The following LACC1 variants were observed in gnomAD, a reference collection of about 807,000 sequenced individuals.
The protein encoded by LACC1 is laccase domain multifunctional purine nucleosidase 1.
LACC1 carries 25 observed loss-of-function variants against 34.8 expected under a neutral mutation model. The observed-to-expected ratio is 0.72, with a 90% confidence interval of 0.52 to 1.00. LACC1 has a LOEUF of 1.00. LACC1 is among the 50% of genes least tolerant of loss of function. The pLI, the probability that LACC1 is intolerant of heterozygous loss-of-function variation, is 0.00. For missense variants in LACC1, 426 were observed against 511.2 expected, an observed-to-expected ratio of 0.83 and a Z score of 1.61; for synonymous variants, 162 against 168.0, an observed-to-expected ratio of 0.96 and a Z score of 0.28.
At chr13:43,886,678 G>A (rs1466344962) in intron 4 of LACC1, among the ~76,000 whole-genome samples, 1 of 152,098 alleles carries the variant, frequency 6.6e-6, no homozygotes, top group Non-Finnish European at 1.5e-5. Flanking sequence ...TGATGAAATC[G>A]TTTGTACACG....
chr13:43,884,294 C>T (rs1327847539), intron 4 of LACC1, among the ~76,000 whole-genome samples: 1 of 152,116 alleles, frequency 6.6e-6, no homozygotes, highest in African/African-American at 2.4e-5. Flanking sequence ...ATGACAGTAG[C>T]ACCTCTAGTT....
At chr13:43,885,359 C>T (rs1230081223) in intron 4 of LACC1, among the ~76,000 whole-genome samples, 1 of 152,122 alleles carries the variant, frequency 6.6e-6, no homozygotes, top group Non-Finnish European at 1.5e-5. Context: ...TCAAGCTGTA[C>T]TCCAAAGTTA....
At chr13:43,885,485 C>T (rs867968258) in intron 4 of LACC1, among the ~76,000 whole-genome samples, 7 of 151,906 alleles carry the variant, frequency 4.6e-5, no homozygotes, top group Admixed American at 3.3e-4. Flanking sequence ...TTGACAAAGT[C>T]GACAATAACA....
At position 43,883,889 on chromosome 13, in the gene LACC1, T is replaced by C. The variant is rs1289760078; in HGVS notation, c.860T>C (p.Ile287Thr). 1.2e-6 allele frequency: 2 copies of C among 1,613,450 alleles called. No homozygotes were observed. The highest frequency in any genetic ancestry group is 1.1e-5 in the South Asian group (1 of 90,992). Reference sequence around the variant, plus strand: ...GCTCTTGGTGCAGACTGTATACCGATAGTTTTTGCAGATCCAGTCAAAAAA... The same window carrying C: ...GCTCTTGGTGCAGACTGTATACCGACAGTTTTTGCAGATCCAGTCAAAAAA... ...IAALGADCIP[I>T]VFADPVKKAC... The change falls in exon 4 of 7, where the codon ATA becomes ACA. Residue 287 changes from isoleucine to threonine, a missense_variant. Ile to Thr is a moderately conservative substitution (Grantham distance 89). This residue lies in a region of LACC1 where 209 missense variants were observed against 300.3 expected (regional missense o/e 0.70). Transcript: ENST00000325686.
intron 1 of LACC1, among the ~76,000 whole-genome samples, chr13:43,880,547 C>A (rs111514251): frequency 6.6e-6 from 1 of 152,218 alleles, no homozygotes; most frequent in African/African-American, 2.4e-5. Flanking sequence ...GCTTCGTAAA[C>A]TTAAGCCCCC....
rs761520538 is a variant in LACC1 at position 43,890,136 on chromosome 13, A to G, written c.1156A>G (p.Ile386Val). The G allele has an allele frequency of 1.9e-6, 3 of 1,612,554 alleles. No individual in the cohort carries two copies. The highest frequency in any genetic ancestry group is 2.5e-6 in the Non-Finnish European group (3 of 1,179,430). Residue 386 changes from isoleucine (I) to valine (V), a missense_variant, in exon 6 of 7, where the codon ATT becomes GTT. Physicochemically the swap from Ile to Val is conservative, Grantham distance 29. This residue lies in a region of LACC1 where 209 missense variants were observed against 300.3 expected (regional missense o/e 0.70). Transcript: ENST00000325686. ...AAGGATTCTTCTAGAACAGGGAGGA[A>G]TTCTTCCACAGAATATTCAGGACCA... ...ATRILLEQGGILPQNIQDQNQ... is the reference protein window; with the variant it reads ...ATRILLEQGGVLPQNIQDQNQ...
Position 43,882,352 on chromosome 13 carries a change from T to C in LACC1, c.730T>C (p.Tyr244His). The C allele has an allele frequency of 6.2e-7, 1 of 1,606,984 alleles. No individual in the cohort carries two copies. Among genetic ancestry groups the C allele is most frequent in the Non-Finnish European group, 8.5e-7 (1 of 1,178,046 alleles). The change falls in exon 3 of 7, where the codon TAC becomes CAC. Residue 244 changes from tyrosine (Y) to histidine (H), a missense_variant. Transcript: ENST00000325686. ...TGCAGGATTTAATGTGGAGAAATTT[T>C]ACCGAATAAAGGTAAAATTTTGCTT... ...NAAGFNVEKF[Y>H]RIKTHHSNDI... is the part of the protein sequence containing the mutation.
chr13:43,891,319 A>AT, intron 6 of LACC1, 130 bp from the exon 7 acceptor site: 1 of 264,594 alleles, frequency 3.8e-6, no homozygotes, highest in Non-Finnish European at 5.8e-6. Flanking sequence ...AATTAATATT[A>AT]TTTTTTACTC....
Position 43,883,774 on chromosome 13 carries a change from C to T in LACC1, c.745C>T (p.His249Tyr). The change falls in exon 4 of 7, where the codon CAT becomes TAT. Residue 249 changes from histidine (H) to tyrosine (Y), a missense_variant. Physicochemically the swap from His to Tyr is moderately conservative, Grantham distance 83 (BLOSUM62 2). This residue lies in a region of LACC1 where 209 missense variants were observed against 300.3 expected (regional missense o/e 0.70). Transcript: ENST00000325686. ...NVEKFYRIKT[H>Y]HSNDIWIMGR... ...TGTTGCACATTTTTGGTATTAGACTCATCATTCCAATGACATCTGGATTAT... is the reference window on the plus strand; with the variant it reads ...TGTTGCACATTTTTGGTATTAGACTTATCATTCCAATGACATCTGGATTAT... 1 of 1,608,408 alleles carries T rather than the reference C, an allele frequency of 6.2e-7. No homozygotes were observed. The highest frequency in any genetic ancestry group is 8.5e-7 in the Non-Finnish European group (1 of 1,176,924).
rs868530970 is a variant in LACC1, at chr13:43,888,792, A to G, written c.943A>G (p.Thr315Ala). Residue 315 changes from threonine (T) to alanine (A), a missense_variant, in exon 5 of 7, where the codon ACA (threonine) becomes GCA (alanine). Thr to Ala is a moderately conservative substitution (Grantham distance 58). This residue lies in a region of LACC1 where 209 missense variants were observed against 300.3 expected (regional missense o/e 0.70). Coordinates refer to ENST00000325686, the MANE Select transcript of LACC1 (RefSeq NM_153218.4). ...TACTTTGTTGGGTGTTGCTATGGCTACAGTGAATGCTATGATAGCAGAATA... is the reference window on the plus strand; with the variant it reads ...TACTTTGTTGGGTGTTGCTATGGCTGCAGTGAATGCTATGATAGCAGAATA... ...KGTLLGVAMA[T>A]VNAMIAEYGC... 11 of 1,613,780 alleles carry G rather than the reference A, an allele frequency of 6.8e-6. 1 individual carries two copies. In the Middle Eastern group the frequency reaches 1.5e-3, roughly 217 times the overall value.
intron 4 of LACC1, 106 bp from the exon 5 acceptor site, chr13:43,888,651 T>C (rs778621332): frequency 3.4e-6 from 3 of 871,278 alleles, no homozygotes; most frequent in Non-Finnish European, 5.5e-6. Flanking sequence ...TTCTGGACTT[T>C]GAAAAATATA....
chr13:43,882,121 G>T, intron 2 of LACC1, 64 bp from the exon 3 acceptor site: 1 of 1,285,676 alleles, frequency 7.8e-7, no homozygotes, highest in Non-Finnish European at 1.1e-6. Context: ...ATCAGGGAAG[G>T]TCTAATTGAG....
At position 43,892,874 on chromosome 13, in the gene LACC1, A is replaced by T. The variant is rs747386534; in HGVS notation, c.*1427A>T. On this transcript the variant is annotated 3_prime_UTR_variant, in exon 7 of 7. Coordinates refer to ENST00000325686, the MANE Select transcript of LACC1 (RefSeq NM_153218.4). Reference sequence around the variant, plus strand: ...TAATTTAAAAGAAATCAATGGATTAAACATATTGAAACTGTTCTATAGGCA... The same window carrying T: ...TAATTTAAAAGAAATCAATGGATTATACATATTGAAACTGTTCTATAGGCA... 6.6e-6 allele frequency: 1 copy of T among 152,276 alleles called. No homozygotes were observed. The highest frequency in any genetic ancestry group is 1.5e-5 in the Non-Finnish European group (1 of 67,968). 9.4% of individuals were successfully genotyped at this position (152,276 alleles called of 1,614,324 possible).
At position 43,881,388 on chromosome 13, in the gene LACC1, C is replaced by G; in HGVS notation, c.403C>G (p.Gln135Glu). 1 of 1,614,058 alleles carries G rather than the reference C, an allele frequency of 6.2e-7. No homozygotes were observed. Residue 135 changes from glutamine to glutamate, a missense_variant, in exon 2 of 7, where the codon CAA becomes GAA. This residue lies in a region of LACC1 where 217 missense variants were observed against 210.9 expected (regional missense o/e 1.03). Coordinates refer to ENST00000325686, the MANE Select transcript of LACC1 (RefSeq NM_153218.4). ...DVYNFEFEDL[Q>E]VTFRGGLFKQ... The stretch of plus-strand genomic sequence containing the variant: ...TTACAATTTTGAATTTGAAGATTTG[C>G]AAGTGACTTTTAGGGGAGGGCTTTT...
chr13:43,888,088 G>A (rs1955411154), intron 4 of LACC1, among the ~76,000 whole-genome samples: 1 of 152,084 alleles, frequency 6.6e-6, no homozygotes, highest in Non-Finnish European at 1.5e-5. Flanking sequence ...AAATGTGTGT[G>A]CATACAATGG....
intron 4 of LACC1, among the ~76,000 whole-genome samples, chr13:43,884,875 G>T (rs1462954907): frequency 6.6e-6 from 1 of 152,038 alleles, no homozygotes; most frequent in South Asian, 2.1e-4. Context: ...TTTGAGTCTT[G>T]GCTCCTGGAT....
Position 43,892,244 on chromosome 13 carries a change from G to T in LACC1, c.*797G>T, listed in dbSNP as rs1289970346. 1.3e-5 allele frequency: 2 copies of T among 148,912 alleles called. No homozygotes were observed. Among genetic ancestry groups the T allele is most frequent in the African/African-American group, 4.9e-5 (2 of 40,708 alleles). 9.2% of individuals were successfully genotyped at this position (148,912 alleles called of 1,614,324 possible). Reference sequence around the variant, plus strand: ...CCATGGCATCATATTTAAGAGGATGGATTTAAATTGTGTGAGACCAAAGCA... The same window carrying T: ...CCATGGCATCATATTTAAGAGGATGTATTTAAATTGTGTGAGACCAAAGCA... On this transcript the variant is annotated 3_prime_UTR_variant, in exon 7 of 7. Coordinates refer to ENST00000325686, the MANE Select transcript of LACC1 (RefSeq NM_153218.4).
rs1955045536 is a variant in LACC1, at chr13:43,881,504, A to C, written c.519A>C (p.Ala173=). 1 of 1,610,356 alleles carries C rather than the reference A, an allele frequency of 6.2e-7. No individual in the cohort carries two copies. The highest frequency in any genetic ancestry group is 1.3e-5 in the African/African-American group (1 of 74,564). Residue 173 remains alanine, a synonymous_variant, in exon 2 of 7, where the codon GCA becomes GCC. Coordinates refer to ENST00000325686, the MANE Select transcript of LACC1 (RefSeq NM_153218.4). ...AAACATTTTTGAGAAGTCTGCCAGC[A>C]CTGAGAGGAAAATTAACTATTATCA... ...EIETFLRSLP[A]LRGKLTIITS...
intron 4 of LACC1, among the ~76,000 whole-genome samples, chr13:43,884,776 A>T (rs1475782494): frequency 1.3e-5 from 2 of 152,158 alleles, no homozygotes; most frequent in African/African-American, 4.8e-5. Context: ...AGAAAGTAGC[A>T]TATTTTTATT....
Sources: gnomAD v4.1 joint callset for allele counts (sites outside exome capture counted in the v4.1 genomes callset) on GRCh38, gnomAD v4.1.1 for gene constraint, gnomAD v4.1.1 regional missense constraint, MANE v1.5 for transcripts, NCBI Gene and HGNC (gene_info 2026-07-23, HGNC 2026-07-21) for gene names.